The following ARHGAP22 variants were observed in gnomAD, a reference collection of about 807,000 sequenced individuals.
ARHGAP22 encodes the protein Rho GTPase activating protein 22.
A neutral mutation model predicts 59.1 loss-of-function variants in ARHGAP22; 48 were observed. The ratio of observed to expected loss-of-function variants is 0.81; its 90% CI spans 0.64 to 1.03. The LOEUF (loss-of-function observed/expected upper bound fraction) is 1.03, where lower values mean the gene tolerates loss of function less well. Among genes scored for constraint, ARHGAP22 ranks in the 50% least tolerant of loss-of-function variants. The pLI is 0.00. For synonymous variants in ARHGAP22, 445 were observed against 416.4 expected (o/e 1.07, Z -0.84); for missense variants, 1,015 against 958.7 (o/e 1.06, Z -0.78).
intron 3 of ARHGAP22, among the ~76,000 whole-genome samples, chr10:48,518,375 G>A (rs2053496222): frequency 6.6e-6 from 1 of 152,154 alleles, no homozygotes; most frequent in East Asian, 1.9e-4. Context: ...ACTTAGTGAG[G>A]GAACAGATTG....
the ARHGAP22 span, chr10:48,438,314 T>C: frequency 3.9e-5 from 6 of 152,166 alleles, no homozygotes; most frequent in Non-Finnish European, 8.8e-5. Context: ...CTCTCTTAGG[T>C]TTTTACGGAA....
chr10:48,435,186 GATGTA>G, the ARHGAP22 span: 1 of 546,974 alleles, frequency 1.8e-6, no homozygotes, highest in African/African-American at 1.9e-5. Flanking sequence ...AATTTCAAGT[GATGTA>G]ATTTAAAACC....
intron 4 of ARHGAP22, among the ~76,000 whole-genome samples, chr10:48,464,621 G>A (rs553768029): frequency 1.3e-5 from 2 of 152,296 alleles, no homozygotes; most frequent in East Asian, 1.9e-4. Context: ...GGGCTGAGGT[G>A]GGGACACGGG....
intron 4 of ARHGAP22, among the ~76,000 whole-genome samples, chr10:48,463,438 C>G (rs1421444642): frequency 6.6e-6 from 1 of 152,204 alleles, no homozygotes. Flanking sequence ...GGAGGAAGTG[C>G]CCATGGGCAG....
chr10:48,623,616 G>A (rs1403051679), intron 1 of ARHGAP22, among the ~76,000 whole-genome samples: 2 of 152,152 alleles, frequency 1.3e-5, no homozygotes, highest in African/African-American at 4.8e-5. Context: ...GATTGTCCAG[G>A]TCAGGCAACA....
chr10:48,637,493 G>T (rs2061868184), intron 1 of ARHGAP22, among the ~76,000 whole-genome samples: 2 of 152,028 alleles, frequency 1.3e-5, no homozygotes, highest in Admixed American at 1.3e-4. Context: ...TGGGTAGATG[G>T]ATGGATGGTA....
intron 1 of ARHGAP22, among the ~76,000 whole-genome samples, chr10:48,584,516 T>A (rs2059305307): frequency 6.6e-6 from 1 of 152,216 alleles, no homozygotes; most frequent in Admixed American, 6.5e-5. Flanking sequence ...TGTGGTTGTC[T>A]TTCTGCCACT....
At position 48,643,617 on chromosome 10, in the gene ARHGAP22, G is replaced by C. The variant is rs148829722; in HGVS notation, c.52+8617C>G. Among the ~76,000 whole-genome samples, 833 of 151,408 alleles carry C rather than the reference G, an allele frequency of 5.5e-3. 5 individuals are homozygous for C. Among genetic ancestry groups the C allele is most frequent in the Non-Finnish European group, 9.1e-3 (619 of 67,874 alleles). ...AGGGCCTGTCATGGGTTGGTGGGAG[G>C]GGGGAGGGAGAGCATTAGGAGATAT... On this transcript the variant is annotated intron_variant, in intron 1 of 9. Transcript: ENST00000435790.
intron 2 of ARHGAP22, among the ~76,000 whole-genome samples, chr10:48,566,290 C>T (rs1435737892): frequency 2.0e-5 from 3 of 152,088 alleles, no homozygotes; most frequent in Admixed American, 6.5e-5. Flanking sequence ...TCTTAAAAAC[C>T]GTTATCCACC....
intron 4 of ARHGAP22, among the ~76,000 whole-genome samples, chr10:48,476,281 A>C (rs1220802967): frequency 1.3e-5 from 2 of 152,168 alleles, no homozygotes; most frequent in African/African-American, 4.8e-5. Context: ...TGGGCAGGCC[A>C]CCAGCAGTGA....
At chr10:48,520,007 C>G (rs1049123118) in intron 3 of ARHGAP22, among the ~76,000 whole-genome samples, 1 of 152,138 alleles carries the variant, frequency 6.6e-6, no homozygotes, top group Non-Finnish European at 1.5e-5. Flanking sequence ...GGCGATAAGT[C>G]GAGGGAATGC....
At chr10:48,439,055 A>G in the ARHGAP22 span, 1 of 152,206 alleles carries the variant, frequency 6.6e-6, no homozygotes, top group South Asian at 2.1e-4. Flanking sequence ...ATTACAGTTT[A>G]TCCTGGTCAG....
chr10:48,497,206 G>C (rs908209639), intron 3 of ARHGAP22, among the ~76,000 whole-genome samples: 3 of 152,204 alleles, frequency 2.0e-5, no homozygotes, highest in Admixed American at 6.5e-5. Flanking sequence ...AAAACGGCAA[G>C]ATGTGCTTAC....
intron 1 of ARHGAP22, among the ~76,000 whole-genome samples, chr10:48,596,397 G>T (rs1484994546): frequency 6.6e-6 from 1 of 151,842 alleles, no homozygotes; most frequent in Non-Finnish European, 1.5e-5. Flanking sequence ...GGAGAGGGGA[G>T]TGTGAAGGCA....
Position 48,500,613 on chromosome 10 carries a change from C to T in ARHGAP22, c.323-20849G>A, listed in dbSNP as rs145322179. 1.1e-3 allele frequency among the ~76,000 whole-genome samples: 163 copies of T among 152,026 alleles called. 2 individuals are homozygous for T. The highest frequency in any genetic ancestry group is 3.2e-4 in the Non-Finnish European group (22 of 67,984). On this transcript the variant is annotated intron_variant, in intron 3 of 9. Coordinates refer to ENST00000249601, the MANE Select transcript of ARHGAP22 (RefSeq NM_021226.4). ...CAATAGATCAAAGATTAAGGCCAGG[C>T]GCCGTAGTTCACACCTGTAATCCCA...
intron 1 of ARHGAP22, among the ~76,000 whole-genome samples, chr10:48,597,080 A>C (rs965056229): frequency 3.3e-5 from 5 of 152,190 alleles, no homozygotes; most frequent in African/African-American, 9.7e-5. Context: ...GTAGGCTCTC[A>C]ACGCAGAATG....
At chr10:48,522,360 C>A (rs1051627808) in intron 3 of ARHGAP22, among the ~76,000 whole-genome samples, 1 of 152,238 alleles carries the variant, frequency 6.6e-6, no homozygotes, top group African/African-American at 2.4e-5. Context: ...CCAGACCAGG[C>A]TTTTTCCTTA....
chr10:48,635,554 C>G (rs184215112), intron 1 of ARHGAP22, among the ~76,000 whole-genome samples: 1 of 152,228 alleles, frequency 6.6e-6, no homozygotes, highest in Non-Finnish European at 1.5e-5. Flanking sequence ...GTGTCCACAC[C>G]CCTGGGGTTG....
intron 3 of ARHGAP22, among the ~76,000 whole-genome samples, chr10:48,547,275 C>T (rs1193025565): frequency 6.6e-6 from 1 of 152,260 alleles, no homozygotes; most frequent in Non-Finnish European, 1.5e-5. Flanking sequence ...GGCCCTGATT[C>T]CCATGGGACA....
Sources: gnomAD v4.1 joint callset for allele counts (sites outside exome capture counted in the v4.1 genomes callset) on GRCh38, gnomAD v4.1.1 for gene constraint, MANE v1.5 for transcripts, NCBI Gene and HGNC (gene_info 2026-07-23, HGNC 2026-07-21) for gene names.